Variants in CPQ observed in about 807,000 individuals in gnomAD.
CPQ encodes the protein Ser-Met dipeptidase.
Under a neutral mutation model 45.7 loss-of-function variants are expected in CPQ, and 37 were observed. The observed-to-expected ratio is 0.81, with a 90% CI of 0.62 to 1.07. The LOEUF (loss-of-function observed/expected upper bound fraction) is 1.07. CPQ is among the 50% of genes least tolerant of loss of function. The probability of loss-of-function intolerance (pLI) is 0.00; values close to 1 mark genes in which losing one functional copy is unlikely to be tolerated. For synonymous variants in CPQ, 186 were observed against 205.8 expected, an observed-to-expected ratio of 0.90 and a Z score of 0.82; for missense variants, 537 against 572.9, an observed-to-expected ratio of 0.94 and a Z score of 0.64.
At chr8:96,709,180 C>T (rs546496718) in intron 1 of CPQ, among the ~76,000 whole-genome samples, 9 of 152,084 alleles carry the variant, frequency 5.9e-5, no homozygotes, top group South Asian at 2.1e-4. Flanking sequence ...GTAAAGCCTA[C>T]GATTCTAGTG....
chr8:96,984,890 C>T (rs893154275), intron 5 of CPQ, among the ~76,000 whole-genome samples: 1 of 152,150 alleles, frequency 6.6e-6, no homozygotes, highest in Non-Finnish European at 1.5e-5. Context: ...AGATTGTCAA[C>T]ATGTTCACTG....
chr8:96,710,719 T>A (rs943923929), intron 1 of CPQ, among the ~76,000 whole-genome samples: 1 of 152,224 alleles, frequency 6.6e-6, no homozygotes, highest in Non-Finnish European at 1.5e-5. Flanking sequence ...ATACTTGATT[T>A]GATTTCAGTT....
intron 2 of CPQ, among the ~76,000 whole-genome samples, chr8:96,808,213 GA>G (rs1159338296): frequency 1.3e-5 from 2 of 152,088 alleles, no homozygotes; most frequent in African/African-American, 4.8e-5. Flanking sequence ...TATATTTTAT[GA>G]AAAATGGAGG....
At chr8:97,093,963 G>T (rs1177695231) in intron 7 of CPQ, among the ~76,000 whole-genome samples, 1 of 152,108 alleles carries the variant, frequency 6.6e-6, no homozygotes, top group Non-Finnish European at 1.5e-5. Context: ...ACTCCCATAG[G>T]GTGTGAGTCT....
chr8:96,754,366 A>G (rs1810302127), intron 1 of CPQ, among the ~76,000 whole-genome samples: 1 of 152,036 alleles, frequency 6.6e-6, no homozygotes, highest in Non-Finnish European at 1.5e-5. Context: ...AATAGATTCC[A>G]TTCCCCCCTC....
intron 4 of CPQ, among the ~76,000 whole-genome samples, chr8:96,961,956 T>C (rs1222283290): frequency 2.6e-5 from 4 of 152,196 alleles, no homozygotes; most frequent in African/African-American, 9.6e-5. Context: ...GGACTCAGTG[T>C]CTTCATATGC....
At chr8:96,891,915 C>T (rs546333911) in intron 4 of CPQ, among the ~76,000 whole-genome samples, 2 of 152,162 alleles carry the variant, frequency 1.3e-5, no homozygotes, top group Admixed American at 1.3e-4. Context: ...CAGTTTATTC[C>T]TACTAAAAAG....
At position 96,785,171 on chromosome 8, in the gene CPQ, T is replaced by G. The variant is rs149981793; in HGVS notation, c.274T>G (p.Tyr92Asp). Residue 92 changes from tyrosine to aspartate, a missense_variant, in exon 2 of 8, where the codon TAC (tyrosine) becomes GAC (aspartate). By Grantham distance (160) the Tyr-to-Asp change is radical (BLOSUM62 -3). Transcript: ENST00000220763. The stretch of plus-strand genomic sequence containing the variant: ...CCTAGAAAAAGCCATCCAAATTATG[T>G]ACCAAAACCTGCAGCAAGATGGGCT... ...KNLEKAIQIM[Y>D]QNLQQDGLEK... The G allele has an allele frequency of 6.8e-4, 1,103 of 1,613,614 alleles. 10 individuals are homozygous for G. In the African/African-American group the frequency reaches 0.013, roughly 18 times the overall value.
intron 1 of CPQ, among the ~76,000 whole-genome samples, chr8:96,705,123 TTAAAC>T (rs1237287313): frequency 3.3e-5 from 5 of 152,162 alleles, no homozygotes; most frequent in Non-Finnish European, 5.9e-5. Flanking sequence ...GCAGAAAAGT[TTAAAC>T]TAAACTATCT....
chr8:97,002,050 G>A lies in CPQ; in HGVS notation c.962-27353G>A, dbSNP rs75639535. ...TTCTTCTAGATTTTTTAGTTTATGC[G>A]CATAGAAGGTTCATAATATTCTCTG... On this transcript the variant is annotated intron_variant, in intron 5 of 7. Transcript: ENST00000220763. Among the ~76,000 whole-genome samples, 1,223 of 152,008 alleles carry A rather than the reference G, an allele frequency of 8.0e-3. 28 individuals carry two copies. In the East Asian group the frequency reaches 0.1, roughly 12 times the overall value.
intron 7 of CPQ, among the ~76,000 whole-genome samples, chr8:97,100,427 G>A (rs1160125769): frequency 6.6e-6 from 1 of 152,148 alleles, no homozygotes; most frequent in Non-Finnish European, 1.5e-5. Flanking sequence ...AGTAACACAG[G>A]AGGTAATGAG....
intron 5 of CPQ, among the ~76,000 whole-genome samples, 180 bp downstream of exon 5, chr8:96,966,226 C>A (rs1342079881): frequency 6.6e-6 from 1 of 152,228 alleles, no homozygotes; most frequent in Middle Eastern, 3.4e-3. Flanking sequence ...ATGTGTACGC[C>A]AGACATCTAA....
Position 96,663,047 on chromosome 8 carries a change from A to G in CPQ, c.-35+17645A>G, listed in dbSNP as rs562838140. Among the ~76,000 whole-genome samples, 8 of 152,342 alleles carry G rather than the reference A, an allele frequency of 5.3e-5. No homozygotes were observed. The East Asian group carries it at 1.2e-3, about 22-fold the overall frequency. On this transcript the variant is annotated intron_variant, in intron 1 of 7. Coordinates refer to ENST00000220763, the MANE Select transcript of CPQ (RefSeq NM_016134.4). ...CTAGAGAATGGGTAATCACCTTTCA[A>G]GTCATTTTTCCAAACCCATTTCTGA...
At chr8:97,053,678 G>A (rs900396623) in intron 6 of CPQ, among the ~76,000 whole-genome samples, 1 of 152,176 alleles carries the variant, frequency 6.6e-6, no homozygotes, top group Non-Finnish European at 1.5e-5. Context: ...CTCTGAGTGA[G>A]GTTGGAACTA....
At chr8:96,933,964 G>A (rs373672931) in intron 4 of CPQ, among the ~76,000 whole-genome samples, 1 of 152,284 alleles carries the variant, frequency 6.6e-6, no homozygotes, top group African/African-American at 2.4e-5. Context: ...CAACTGTAAT[G>A]ATTGCAGAAA....
chr8:96,673,987 G>T (rs929311269), intron 1 of CPQ, among the ~76,000 whole-genome samples: 9 of 152,168 alleles, frequency 5.9e-5, no homozygotes, highest in Non-Finnish European at 1.0e-4. Flanking sequence ...AAGTGGAGGA[G>T]GGGGGATACT....
intron 5 of CPQ, among the ~76,000 whole-genome samples, chr8:97,019,426 GAT>G (rs1465464524): frequency 6.6e-6 from 1 of 152,188 alleles, no homozygotes; most frequent in East Asian, 1.9e-4. Flanking sequence ...CCACTTAAAA[GAT>G]ACAGAAATGC....
intron 4 of CPQ, among the ~76,000 whole-genome samples, chr8:96,942,382 C>T (rs1002626334): frequency 3.9e-5 from 6 of 152,100 alleles, no homozygotes; most frequent in Admixed American, 1.3e-4. Context: ...TTACTTGGAG[C>T]GAAGTTTTCA....
chr8:96,901,454 A>G (rs1812511153), intron 4 of CPQ, among the ~76,000 whole-genome samples: 1 of 152,182 alleles, frequency 6.6e-6, no homozygotes, highest in African/African-American at 2.4e-5. Context: ...TTATGAAACC[A>G]TTCCAATTTG....
Sources: gnomAD v4.1 joint callset for allele counts (sites outside exome capture counted in the v4.1 genomes callset) on GRCh38, gnomAD v4.1.1 for gene constraint, MANE v1.5 for transcripts, NCBI Gene and HGNC (gene_info 2026-07-23, HGNC 2026-07-21) for gene names.